PDK3: variants seen among roughly 807,000 people sequenced by gnomAD.
The protein encoded by PDK3 is pyruvate dehydrogenase kinase, isozyme 3.
In PDK3, 12 loss-of-function variants were observed where a neutral mutation model predicts 32.0. The observed-to-expected ratio is 0.37, with a 90% CI of 0.24 to 0.61. PDK3 has a LOEUF of 0.61. Among genes scored for constraint, PDK3 ranks in the 20% least tolerant of loss-of-function variants. The probability of loss-of-function intolerance (pLI) is 0.65; values close to 1 mark genes in which losing one functional copy is unlikely to be tolerated. For synonymous variants in PDK3, 122 were observed against 116.3 expected, an observed-to-expected ratio of 1.05 and a Z score of -0.31; for missense variants, 188 against 316.9, an observed-to-expected ratio of 0.59 and a Z score of 3.09.
intron 4 of PDK3, among the ~76,000 whole-genome samples, chrX:24,504,673 A>G (rs749663620): frequency 8.9e-6 from 1 of 112,209 alleles, no homozygotes; most frequent in African/African-American, 3.2e-5. Context: ...CAAATCTTGT[A>G]TATTGTGAAA....
intron 10 of PDK3, among the ~76,000 whole-genome samples, chrX:24,533,114 T>C (rs950934422): frequency 1.1e-4 from 12 of 107,401 alleles, no homozygotes; most frequent in Non-Finnish European, 2.1e-4. Flanking sequence ...TTCTTTCTTT[T>C]CTTTTTTTTT....
rs1211281591 is a variant in PDK3, at chrX:24,465,487, C to G, written c.32C>G (p.Pro11Arg). 1 of 1,208,323 alleles carries G rather than the reference C, an allele frequency of 8.3e-7. No homozygotes were observed. Among genetic ancestry groups the G allele is most frequent in the Non-Finnish European group, 1.1e-6 (1 of 893,410 alleles). ...CTGTTCCGGTGGCTGCTGAAGCAGC[C>G]GGTGCCCAAGCAGATCGAGCGCTAC... MRLFRWLLKQPVPKQIERYSR... is the reference protein window; with the variant it reads MRLFRWLLKQRVPKQIERYSR... Residue 11 changes from proline (P) to arginine (R), a missense_variant, in exon 1 of 11, where the codon CCG becomes CGG. By Grantham distance (103) the Pro-to-Arg change is moderately radical (BLOSUM62 -2). Coordinates refer to ENST00000379162, the MANE Select transcript of PDK3 (RefSeq NM_005391.5).
intron 5 of PDK3, among the ~76,000 whole-genome samples, chrX:24,507,641 G>T (rs1922017051): frequency 2.7e-5 from 3 of 112,372 alleles, no homozygotes; most frequent in African/African-American, 9.7e-5. Context: ...GTACGCCATT[G>T]ATTATATAAT....
chrX:24,518,877 A>T, intron 5 of PDK3, 56 bp from the exon 6 acceptor site: 2 of 605,494 alleles, frequency 3.3e-6, no homozygotes, highest in African/African-American at 2.6e-5. Flanking sequence ...ACACACACAC[A>T]CACGCTTGTG....
At chrX:24,546,759 A>G (rs1923004772) in exon 12 of PDK3, 1 of 111,716 alleles carries the variant, frequency 9.0e-6, no homozygotes, top group Non-Finnish European at 1.9e-5. Flanking sequence ...AGATTTAACA[A>G]CTGGAGAAGA....
exon 12 of PDK3, chrX:24,545,628 G>A (rs1922980794): frequency 9.0e-6 from 1 of 111,607 alleles, no homozygotes; most frequent in South Asian, 3.8e-4. Flanking sequence ...CCTAATGTCT[G>A]TCCTGGTGTG....
At chrX:24,488,373 C>T (rs1313723259) in intron 1 of PDK3, among the ~76,000 whole-genome samples, 1 of 111,834 alleles carries the variant, frequency 8.9e-6, no homozygotes, top group Non-Finnish European at 1.9e-5. Flanking sequence ...CTCCAGCTTC[C>T]CAATAAAAGG....
intron 6 of PDK3, among the ~76,000 whole-genome samples, chrX:24,519,251 A>G (rs751213064): frequency 9.0e-6 from 1 of 111,418 alleles, no homozygotes; most frequent in African/African-American, 3.3e-5. Context: ...TAGAGTATGT[A>G]GAAAGGTATA....
chrX:24,535,504 CA>C (rs778785042), downstream of PDK3, among the ~76,000 whole-genome samples: 694 of 55,441 alleles, frequency 0.013, 8 homozygotes, highest in African/African-American at 0.043. Flanking sequence ...GACTCCATCT[CA>C]AAAAAAAAAA....
intron 6 of PDK3, among the ~76,000 whole-genome samples, chrX:24,522,707 A>G (rs1922427501): frequency 9.0e-6 from 1 of 110,627 alleles, no homozygotes; most frequent in African/African-American, 3.3e-5. Context: ...GGAGTTCGAG[A>G]CCAGCCTGGC....
chrX:24,486,996 A>G (rs1921418013), intron 1 of PDK3, among the ~76,000 whole-genome samples: 1 of 112,363 alleles, frequency 8.9e-6, no homozygotes, highest in Non-Finnish European at 1.9e-5. Context: ...CCAAATCTGC[A>G]GCCTATTTTG....
At chrX:24,485,774 A>G (rs1921383209) in intron 1 of PDK3, among the ~76,000 whole-genome samples, 1 of 111,678 alleles carries the variant, frequency 9.0e-6, no homozygotes, top group African/African-American at 3.3e-5. Flanking sequence ...CAGTGTAATC[A>G]GGAATTCAGG....
intron 1 of PDK3, among the ~76,000 whole-genome samples, chrX:24,482,059 C>G (rs1230189439): frequency 8.9e-6 from 1 of 112,245 alleles, no homozygotes; most frequent in East Asian, 2.8e-4. Context: ...CTCTGCTAAA[C>G]ACAATAGTGG....
intron 7 of PDK3, 37 bp from the exon 8 acceptor site, chrX:24,527,537 C>T (rs759133237): frequency 5.0e-5 from 41 of 827,728 alleles, no homozygotes; most frequent in Non-Finnish European, 6.2e-5. Context: ...GTTTGTGATT[C>T]GGCAGTATGA....
At chrX:24,536,077 T>C (rs756938930), downstream of PDK3, among the ~76,000 whole-genome samples, 1 of 110,973 alleles carries the variant, frequency 9.0e-6, no homozygotes, top group African/African-American at 3.3e-5. Flanking sequence ...CATTTTTTGC[T>C]AGAATATCCA....
At chrX:24,482,665 T>G (rs187461490) in intron 1 of PDK3, among the ~76,000 whole-genome samples, 2 of 112,421 alleles carry the variant, frequency 1.8e-5, no homozygotes, top group Admixed American at 1.9e-4. Flanking sequence ...TTTTATTATT[T>G]CAGAACTATC....
rs140303108 is a variant in PDK3 at position 24,499,676 on chromosome X, A to G, written c.320+776A>G. Among the ~76,000 whole-genome samples, 554 of 111,937 alleles carry G rather than the reference A, an allele frequency of 4.9e-3. 4 individuals carry two copies. The highest frequency in any genetic ancestry group is 0.017 in the African/African-American group (523 of 30,809). Reference sequence around the variant, plus strand: ...TACAAGCAACCTTAGGAGGTATTTAACCCAGTCCTCTCAATCCACAGATAA... The same window carrying G: ...TACAAGCAACCTTAGGAGGTATTTAGCCCAGTCCTCTCAATCCACAGATAA... On this transcript the variant is annotated intron_variant, in intron 3 of 10. Coordinates refer to ENST00000379162, the MANE Select transcript of PDK3 (RefSeq NM_005391.5).
chrX:24,480,590 CCA>C (rs2148182622), intron 1 of PDK3, among the ~76,000 whole-genome samples: 1 of 112,229 alleles, frequency 8.9e-6, no homozygotes, highest in African/African-American at 3.2e-5. Context: ...AGAGTTAAAA[CCA>C]CAGTGTTAGA....
intron 6 of PDK3, among the ~76,000 whole-genome samples, chrX:24,525,245 C>T (rs1335010434): frequency 9.0e-6 from 1 of 111,610 alleles, no homozygotes; most frequent in African/African-American, 3.3e-5. Flanking sequence ...TGTCTGGTTT[C>T]GGTGCCACTT....
Sources: gnomAD v4.1 joint callset for allele counts (sites outside exome capture counted in the v4.1 genomes callset) on GRCh38, gnomAD v4.1.1 for gene constraint, MANE v1.5 for transcripts, NCBI Gene and HGNC (gene_info 2026-07-23, HGNC 2026-07-21) for gene names.